The following PRKCD variants were observed in gnomAD, a reference collection of about 807,000 sequenced individuals.
PRKCD encodes the protein protein kinase C delta.
PRKCD carries 20 observed loss-of-function variants against 82.2 expected under a neutral mutation model. The ratio of observed to expected loss-of-function variants is 0.24; its 90% CI spans 0.17 to 0.35. The LOEUF is 0.35. Ranked by LOEUF, PRKCD falls within the 10% of genes least tolerant of loss-of-function variation. PRKCD has a pLI of 1.00. For missense variants in PRKCD, 607 were observed against 899.0 expected (o/e 0.68, Z 4.15); for synonymous variants, 317 against 337.0 (o/e 0.94, Z 0.65).
chr3:53,189,763 CTG>C, intron 17 of PRKCD, 108 bp from the exon 18 acceptor site: 2 of 1,496,318 alleles, frequency 1.3e-6, no homozygotes, highest in Non-Finnish European at 1.8e-6. Flanking sequence ...CCCAGGCTGA[CTG>C]GGGCTGGGGC....
chr3:53,173,030 CCTATCT>C (rs1703092445), intron 2 of PRKCD, among the ~76,000 whole-genome samples: 2 of 152,352 alleles, frequency 1.3e-5, no homozygotes, highest in East Asian at 3.9e-4. Context: ...TCTCTGAAGA[CCTATCT>C]CTTGTGGAGA....
intron 15 of PRKCD, among the ~76,000 whole-genome samples, chr3:53,188,369 T>C (rs1553669852): frequency 6.6e-6 from 1 of 152,088 alleles, no homozygotes; most frequent in Non-Finnish European, 1.5e-5. Context: ...GACTAATTAC[T>C]AAATATAGAC....
intron 2 of PRKCD, among the ~76,000 whole-genome samples, chr3:53,175,991 A>G (rs1342857706): frequency 6.6e-6 from 1 of 152,114 alleles, no homozygotes; most frequent in Non-Finnish European, 1.5e-5. Flanking sequence ...AGTGCCCACC[A>G]TGTGCCACCC....
chr3:53,188,979 G>A lies in PRKCD; in HGVS notation c.1555-79G>A, dbSNP rs994552190. On this transcript the variant is annotated intron_variant, in intron 16 of 18. Coordinates refer to ENST00000330452, the MANE Select transcript of PRKCD (RefSeq NM_006254.4). Reference sequence around the variant, plus strand: ...CAAAGCCCATAGGCTGAGGCGGCCTGGCTAGGCTTCGTGCCCAGGGGCCCC... The same window carrying A: ...CAAAGCCCATAGGCTGAGGCGGCCTAGCTAGGCTTCGTGCCCAGGGGCCCC... The A allele has an allele frequency of 2.5e-6, 4 of 1,572,240 alleles. No individual in the cohort carries two copies. In the Middle Eastern group the frequency reaches 5.5e-4, roughly 217 times the overall value.
intron 6 of PRKCD, 37 bp downstream of exon 6, chr3:53,181,643 G>C: frequency 6.2e-7 from 1 of 1,613,360 alleles, no homozygotes; most frequent in Non-Finnish European, 8.5e-7. Context: ...GTGGTGCAGG[G>C]TAGTGGGGGC....
chr3:53,162,037 G>A (rs1236248077), intron 1 of PRKCD, among the ~76,000 whole-genome samples: 1 of 151,784 alleles, frequency 6.6e-6, no homozygotes, highest in Non-Finnish European at 1.5e-5. Context: ...GGCCCGACCC[G>A]CGCGGCGCCT....
At chr3:53,163,673 T>C (rs1456179270) in intron 1 of PRKCD, among the ~76,000 whole-genome samples, 1 of 152,130 alleles carries the variant, frequency 6.6e-6, no homozygotes, top group Non-Finnish European at 1.5e-5. Context: ...TGTGAAGTCT[T>C]TTGTTGTCAC....
In PRKCD at chr3:53,192,280, A is replaced by G. The variant is rs782321152; in HGVS notation, c.*14A>G. On this transcript the variant is annotated 3_prime_UTR_variant, in exon 19 of 19. Coordinates refer to ENST00000330452, the MANE Select transcript of PRKCD (RefSeq NM_006254.4). Reference sequence around the variant, plus strand: ...CTGGAAGATTGAGGTTCCTGGACAGATCAGGCTAGCCCTGCCCTCCACCCA... The same window carrying G: ...CTGGAAGATTGAGGTTCCTGGACAGGTCAGGCTAGCCCTGCCCTCCACCCA... 6.2e-7 allele frequency: 1 copy of G among 1,613,690 alleles called. No homozygotes were observed. Among genetic ancestry groups the G allele is most frequent in the Non-Finnish European group, 8.5e-7 (1 of 1,179,786 alleles).
Position 53,189,865 on chromosome 3 carries a change from G to T in PRKCD, c.1744-8G>T. ...TGGGTGCTAACCAGGGTCCCTGCTG[G>T]GTTGCAGCTCTTTGAAAGGGAACCA... On this transcript the variant is annotated splice_polypyrimidine_tract_variant and splice_region_variant and intron_variant, in intron 17 of 18. Coordinates refer to ENST00000330452, the MANE Select transcript of PRKCD (RefSeq NM_006254.4). 1 of 1,614,128 alleles carries T rather than the reference G, an allele frequency of 6.2e-7. No homozygotes were observed. The highest frequency in any genetic ancestry group is 8.5e-7 in the Non-Finnish European group (1 of 1,180,000).
In PRKCD at chr3:53,192,126, A is replaced by G; in HGVS notation, c.1891A>G (p.Ser631Gly). Residue 631 changes from serine to glycine, a missense_variant, in exon 19 of 19, where the codon AGT becomes GGT. This residue lies in a region of PRKCD where 251 missense variants were observed against 423.9 expected (regional missense o/e 0.59). Coordinates refer to ENST00000330452, the MANE Select transcript of PRKCD (RefSeq NM_006254.4). ...CTTGTAGAAGTCACCCAGAGACTAC[A>G]GTAACTTTGACCAGGAGTTCCTGAA... ...RPKVKSPRDY[S>G]NFDQEFLNEK... 2 of 1,613,906 alleles carry G rather than the reference A, an allele frequency of 1.2e-6. No individual in the cohort carries two copies. The highest frequency in any genetic ancestry group is 1.1e-5 in the South Asian group (1 of 91,084).
rs1323741522 is a variant in PRKCD at position 53,169,885 on chromosome 3, C to G, written c.-20+4670C>G. ...ACTTGGGCCAAGATCGCGGAGCACC[C>G]AGGCAGCAGATCTGAGCTAGGCCTG... is the stretch of plus-strand genomic sequence containing the variant. On this transcript the variant is annotated intron_variant, in intron 2 of 18. Transcript: ENST00000330452. This position sits in a 1 kb window ranked among gnomAD's most constrained non-coding sequence, Gnocchi z 4.7. Among the ~76,000 whole-genome samples, 3 of 152,226 alleles carry G rather than the reference C, an allele frequency of 2.0e-5. No individual in the cohort carries two copies. Among genetic ancestry groups the G allele is most frequent in the African/African-American group, 7.2e-5 (3 of 41,458 alleles).
chr3:53,175,899 C>T (rs777933999), intron 2 of PRKCD, among the ~76,000 whole-genome samples: 8 of 152,198 alleles, frequency 5.3e-5, no homozygotes, highest in Non-Finnish European at 7.3e-5. Flanking sequence ...ATCTTGCTTA[C>T]GGGTTTGGGA....
intron 14 of PRKCD, 30 bp from the exon 15 acceptor site, chr3:53,187,310 C>T (rs782760495): frequency 5.6e-6 from 9 of 1,613,568 alleles, no homozygotes; most frequent in Non-Finnish European, 5.1e-6. Flanking sequence ...GCAGAGATCC[C>T]GGAACACTTT....
At chr3:53,164,483 T>C (rs1553663536) in intron 1 of PRKCD, among the ~76,000 whole-genome samples, 1 of 151,914 alleles carries the variant, frequency 6.6e-6, no homozygotes, top group Non-Finnish European at 1.5e-5. Context: ...CTCAGGAGGC[T>C]GAGGCACGAG....
chr3:53,185,490 C>G (rs1703639389), intron 10 of PRKCD, 114 bp from the exon 11 acceptor site: 3 of 857,196 alleles, frequency 3.5e-6, no homozygotes, highest in Non-Finnish European at 1.9e-6. Context: ...GGCTGTGCCC[C>G]TGTTGTCTCC....
chr3:53,186,852 C>T (rs73840234), intron 14 of PRKCD, among the ~76,000 whole-genome samples, 157 bp downstream of exon 14: 149 of 152,302 alleles, frequency 9.8e-4, no homozygotes, highest in African/African-American at 3.3e-3. Context: ...TAGCCTGGGT[C>T]GGCACCACAC....
rs913175157 is a variant in PRKCD at position 53,179,631 on chromosome 3, C to T, written c.170C>T (p.Ser57Leu). 6.2e-7 allele frequency: 1 copy of T among 1,614,106 alleles called. No individual in the cohort carries two copies. The highest frequency in any genetic ancestry group is 1.6e-4 in the Middle Eastern group (1 of 6,062). The change falls in exon 4 of 19, where the codon TCG (serine) becomes TTG (leucine). Residue 57 changes from serine to leucine, a missense_variant. Physicochemically the swap from Ser to Leu is moderately radical, Grantham distance 145 (BLOSUM62 -2). Around this residue, in one of 5 missense-constraint regions of PRKCD, gnomAD observed 161 missense variants for 227.0 expected, o/e 0.71. Transcript: ENST00000330452. The part of the protein sequence containing the change: ...KKPTMYPEWK[S>L]TFDAHIYEGR... ...CCGACCATGTATCCTGAGTGGAAGT[C>T]GACGTTCGATGCCCACATCTATGAG... is the stretch of plus-strand genomic sequence containing the variant.
chr3:53,184,846 T>C (rs1342826454), intron 9 of PRKCD, 28 bp from the exon 10 acceptor site: 1 of 1,606,994 alleles, frequency 6.2e-7, no homozygotes, highest in Non-Finnish European at 8.5e-7. Flanking sequence ...GCTCTGAGAC[T>C]GACAGCCCCG....
rs1553664546 is a variant in PRKCD, at chr3:53,169,884, C to T, written c.-20+4669C>T. On this transcript the variant is annotated intron_variant, in intron 2 of 18. Coordinates refer to ENST00000330452, the MANE Select transcript of PRKCD (RefSeq NM_006254.4). This position sits in a 1 kb window ranked among gnomAD's most constrained non-coding sequence, Gnocchi z 4.7. Reference sequence around the variant, plus strand: ...CACTTGGGCCAAGATCGCGGAGCACCCAGGCAGCAGATCTGAGCTAGGCCT... The same window carrying T: ...CACTTGGGCCAAGATCGCGGAGCACTCAGGCAGCAGATCTGAGCTAGGCCT... Among the ~76,000 whole-genome samples the T allele has an allele frequency of 6.6e-6, 1 of 152,184 alleles. No homozygotes were observed. Among genetic ancestry groups the T allele is most frequent in the Admixed American group, 6.5e-5 (1 of 15,284 alleles).
Sources: allele counts gnomAD v4.1 joint callset (sites outside exome capture counted in the v4.1 genomes callset), GRCh38; gene constraint gnomAD v4.1.1; regional missense constraint gnomAD v4.1.1; non-coding constraint Gnocchi (gnomAD v3.1); transcripts MANE v1.5; gene names NCBI Gene and HGNC (gene_info 2026-07-23, HGNC 2026-07-21).